PTPRD: variants seen among roughly 807,000 people sequenced by gnomAD.
PTPRD encodes the protein receptor-type tyrosine-protein phosphatase delta.
Under a neutral mutation model 214.5 loss-of-function variants are expected in PTPRD, and 34 were observed. The ratio of observed to expected loss-of-function variants is 0.16; its 90% CI spans 0.12 to 0.21. The LOEUF (loss-of-function observed/expected upper bound fraction) is 0.21. PTPRD is among the 10% of genes least tolerant of loss of function. The pLI is 1.00. For missense variants in PTPRD, 2,545 were observed against 2,398.7 expected (o/e 1.06, Z -1.27); for synonymous variants, 1,128 against 845.7 (o/e 1.33, Z -5.79).
At position 8,923,913 on chromosome 9, in the gene PTPRD, T is replaced by A. The variant is rs116722388; in HGVS notation, c.-104+94784A>T. 5.2e-3 allele frequency among the ~76,000 whole-genome samples: 788 copies of A among 152,324 alleles called. 7 individuals are homozygous for A. Among genetic ancestry groups the A allele is most frequent in the African/African-American group, 0.018 (760 of 41,562 alleles). ...ATTGTAAAAATTGGAAAATGCAGTC[T>A]ATATTTGAAGCTTCCAATTGTTTTA... On this transcript the variant is annotated intron_variant, in intron 11 of 45. Coordinates refer to ENST00000381196, the MANE Select transcript of PTPRD (RefSeq NM_002839.4).
chr9:10,244,844 C>T (rs1428611033), intron 3 of PTPRD, among the ~76,000 whole-genome samples: 1 of 152,106 alleles, frequency 6.6e-6, no homozygotes, highest in Non-Finnish European at 1.5e-5. Context: ...TGTTTTCTAG[C>T]TGCTTCTATA....
rs547114157 is a variant in PTPRD, at chr9:9,967,349, T to G, written c.-471-28739A>C. On this transcript the variant is annotated intron_variant, in intron 4 of 45. Coordinates refer to ENST00000381196, the MANE Select transcript of PTPRD (RefSeq NM_002839.4). ...AATAAAGGCCCTTAACAACTAGAAT[T>G]TATGCCAAGTTGTCATTAACAGAGG... Among the ~76,000 whole-genome samples, 19 of 152,228 alleles carry G rather than the reference T, an allele frequency of 1.2e-4. No homozygotes were observed. In the South Asian group the frequency reaches 1.9e-3, roughly 15 times the overall value.
chr9:9,803,469 G>A (rs1451890972), intron 5 of PTPRD, among the ~76,000 whole-genome samples: 1 of 151,818 alleles, frequency 6.6e-6, no homozygotes, highest in Non-Finnish European at 1.5e-5. Context: ...TCCAACAATA[G>A]TTTTTCTGCA....
chr9:10,419,988 T>A (rs535175268), intron 2 of PTPRD, among the ~76,000 whole-genome samples: 1 of 151,950 alleles, frequency 6.6e-6, no homozygotes, highest in South Asian at 2.1e-4. Context: ...ATTTATAATT[T>A]ATTGATTGGA....
intron 10 of PTPRD, among the ~76,000 whole-genome samples, chr9:9,021,121 C>T (rs1298011033): frequency 6.6e-6 from 1 of 152,128 alleles, no homozygotes; most frequent in Non-Finnish European, 1.5e-5. Context: ...TTTTAAATCA[C>T]TTCATCTAAA....
At chr9:9,718,537 G>A (rs559572166) in intron 7 of PTPRD, among the ~76,000 whole-genome samples, 2 of 152,284 alleles carry the variant, frequency 1.3e-5, no homozygotes, top group South Asian at 4.1e-4. Flanking sequence ...CACGGCTCCA[G>A]ACCCAGGCAT....
At chr9:9,043,626 G>A (rs989485626) in intron 10 of PTPRD, among the ~76,000 whole-genome samples, 1 of 152,076 alleles carries the variant, frequency 6.6e-6, no homozygotes, top group Non-Finnish European at 1.5e-5. Context: ...AAACTAGGCT[G>A]GGCACAGTGG....
At chr9:8,869,929 G>A (rs1270059435) in intron 11 of PTPRD, among the ~76,000 whole-genome samples, 1 of 152,076 alleles carries the variant, frequency 6.6e-6, no homozygotes, top group African/African-American at 2.4e-5. Context: ...ACAGCCTGCA[G>A]AGAACACAGG....
At chr9:9,286,836 G>A (rs1404002915) in intron 9 of PTPRD, among the ~76,000 whole-genome samples, 2 of 125,108 alleles carry the variant, frequency 1.6e-5, no homozygotes, top group Non-Finnish European at 3.3e-5. Flanking sequence ...AAATGAATGA[G>A]TAAACAGAAC....
At chr9:9,813,100 T>C (rs1205967908) in intron 5 of PTPRD, among the ~76,000 whole-genome samples, 3 of 151,442 alleles carry the variant, frequency 2.0e-5, no homozygotes, top group East Asian at 1.9e-4. Context: ...AGGAGACAAA[T>C]GAAAAAGAAA....
chr9:9,166,590 C>A (rs2099904604), intron 10 of PTPRD, among the ~76,000 whole-genome samples: 1 of 152,152 alleles, frequency 6.6e-6, no homozygotes, highest in Admixed American at 6.5e-5. Context: ...CTCTAATCAG[C>A]CCTCTCCTCT....
chr9:9,660,752 G>C (rs1408026604), intron 7 of PTPRD, among the ~76,000 whole-genome samples: 1 of 151,860 alleles, frequency 6.6e-6, no homozygotes, highest in Non-Finnish European at 1.5e-5. Flanking sequence ...GATTTCCTTT[G>C]CCTTTATTCC....
At chr9:10,518,527 C>A (rs2050887226) in intron 2 of PTPRD, among the ~76,000 whole-genome samples, 1 of 151,756 alleles carries the variant, frequency 6.6e-6, no homozygotes, top group African/African-American at 2.4e-5. Flanking sequence ...ATGTTAAGAT[C>A]ATTTACAATT....
intron 9 of PTPRD, among the ~76,000 whole-genome samples, chr9:9,324,657 T>G (rs1317483429): frequency 6.6e-6 from 1 of 152,184 alleles, no homozygotes; most frequent in African/African-American, 2.4e-5. Flanking sequence ...TTCACTCTGA[T>G]GGTAGTTTCT....
intron 8 of PTPRD, among the ~76,000 whole-genome samples, chr9:9,417,633 C>G (rs1587840222): frequency 6.6e-6 from 1 of 151,972 alleles, no homozygotes; most frequent in East Asian, 1.9e-4. Context: ...ATAGTCACAA[C>G]AAAACTTGAT....
intron 11 of PTPRD, among the ~76,000 whole-genome samples, chr9:8,809,214 G>C (rs796405359): frequency 1.2e-4 from 19 of 152,144 alleles, no homozygotes; most frequent in African/African-American, 4.3e-4. Flanking sequence ...GTCACATAAT[G>C]TTTTGTAATA....
chr9:10,068,936 C>G (rs1166217059), intron 3 of PTPRD, among the ~76,000 whole-genome samples: 1 of 151,986 alleles, frequency 6.6e-6, no homozygotes, highest in African/African-American at 2.4e-5. Context: ...CGTAGACTGC[C>G]TTCAGACTTC....
At chr9:8,943,787 C>T (rs903095627) in intron 11 of PTPRD, among the ~76,000 whole-genome samples, 1 of 151,226 alleles carries the variant, frequency 6.6e-6, no homozygotes, top group Non-Finnish European at 1.5e-5. Flanking sequence ...TCTAAGACTT[C>T]AAACTATGAA....
intron 9 of PTPRD, among the ~76,000 whole-genome samples, chr9:9,297,667 A>T (rs1953608482): frequency 6.6e-6 from 1 of 151,816 alleles, no homozygotes; most frequent in East Asian, 1.9e-4. Flanking sequence ...ATTCTTCGTT[A>T]TCATAAAAAA....
Sources: gnomAD v4.1 joint callset for allele counts (sites outside exome capture counted in the v4.1 genomes callset) on GRCh38, gnomAD v4.1.1 for gene constraint, MANE v1.5 for transcripts, NCBI Gene and HGNC (gene_info 2026-07-23, HGNC 2026-07-21) for gene names.